Variants in SETD9 observed in about 807,000 individuals in gnomAD.
SETD9 encodes the protein SET domain containing 9, also known as SET domain-containing protein 9.
SETD9 carries 37 observed loss-of-function variants against 36.4 expected under a neutral mutation model. The observed-to-expected ratio is 1.02, with a 90% CI of 0.78 to 1.34. The LOEUF (loss-of-function observed/expected upper bound fraction) is 1.34. SETD9 is among the 40% of genes most tolerant of loss of function. The probability of loss-of-function intolerance (pLI) is 0.00; values close to 1 mark genes in which losing one functional copy is unlikely to be tolerated. For missense variants in SETD9, 323 were observed against 353.2 expected, an observed-to-expected ratio of 0.91 and a Z score of 0.69; for synonymous variants, 128 against 132.9, an observed-to-expected ratio of 0.96 and a Z score of 0.26.
chr5:56,912,213 A>G lies in SETD9; in HGVS notation c.466+677A>G, dbSNP rs147786875. ...AACATAAAAGACAACATTTAAACCCATAAGTCACCGAATGAAGACCTTCCT... is the reference window on the plus strand; with the variant it reads ...AACATAAAAGACAACATTTAAACCCGTAAGTCACCGAATGAAGACCTTCCT... On this transcript the variant is annotated intron_variant, in intron 2 of 5. Transcript: ENST00000285947. The G allele has an allele frequency of 2.4e-3, 2,342 of 985,270 alleles. 38 individuals carry two copies. In the African/African-American group the frequency reaches 0.038, roughly 16 times the overall value. The allele number at this position is 985,270 out of a possible 1,614,324, so 61.0% of individuals were successfully genotyped here. A position where few individuals can be genotyped will look rare whatever the true frequency, so the allele number is the denominator to read the frequency against.
chr5:56,912,163 G>GA (rs796567347), intron 2 of SETD9: 29,989 of 595,138 alleles, frequency 0.05, 3 homozygotes, highest in Non-Finnish European at 0.056. Flanking sequence ...TCAAAAAAAA[G>GA]AAAAAAAAAA....
At chr5:56,914,428 A>G (rs1206801614) in intron 4 of SETD9, among the ~76,000 whole-genome samples, 1 of 152,160 alleles carries the variant, frequency 6.6e-6, no homozygotes, top group African/African-American at 2.4e-5. Context: ...TACATTTAAC[A>G]TGGGCTTTGG....
In SETD9 at chr5:56,913,041, T is replaced by G; in HGVS notation, c.497T>G (p.Phe166Cys). The G allele has an allele frequency of 6.2e-7, 1 of 1,613,990 alleles. No homozygotes were observed. Among genetic ancestry groups the G allele is most frequent in the East Asian group, 2.2e-5 (1 of 44,864 alleles). Residue 166 changes from phenylalanine (F) to cysteine (C), a missense_variant, in exon 3 of 6, where the codon TTT becomes TGT. Phe to Cys is a radical substitution (Grantham distance 205). Coordinates refer to ENST00000285947, the MANE Select transcript of SETD9 (RefSeq NM_153706.4). ...GTVYQKYEPI[F>C]FQSIGNPFIF... ...GTATATCAGAAGTATGAGCCGATCTTTTTCCAGTCCATTGGAAATCCGTTT... is the reference window on the plus strand; with the variant it reads ...GTATATCAGAAGTATGAGCCGATCTGTTTCCAGTCCATTGGAAATCCGTTT...
At chr5:56,914,352 G>T (rs1749314506) in intron 4 of SETD9, among the ~76,000 whole-genome samples, 1 of 152,072 alleles carries the variant, frequency 6.6e-6, no homozygotes, top group Non-Finnish European at 1.5e-5. Context: ...TGCTAAGTTT[G>T]TGAGTCCCTA....
chr5:56,912,749 A>G (rs191982650), intron 2 of SETD9, among the ~76,000 whole-genome samples: 21 of 152,338 alleles, frequency 1.4e-4, no homozygotes, highest in Admixed American at 8.5e-4. Flanking sequence ...ACATATACAT[A>G]TAAATGTGTA....
At chr5:56,928,738 A>G, downstream of SETD9, 1 of 1,497,734 alleles carries the variant, frequency 6.7e-7, no homozygotes. Flanking sequence ...GTAACTAGTA[A>G]TTTATCTGTA....
intron 1 of SETD9, chr5:56,910,587 A>G (rs1421967917): frequency 8.9e-6 from 3 of 335,738 alleles, no homozygotes; most frequent in Non-Finnish European, 1.7e-5. Context: ...GGGAATTACA[A>G]CCTTTTTGTT....
chr5:56,909,777 T>A, intron 1 of SETD9, 34 bp downstream of exon 1: 1 of 1,580,986 alleles, frequency 6.3e-7, no homozygotes, highest in Non-Finnish European at 8.6e-7. Flanking sequence ...GAGGGGCACC[T>A]GCCTTCGGTT....
chr5:56,924,768 C>T (rs901970871), intron 5 of SETD9, among the ~76,000 whole-genome samples: 1 of 152,166 alleles, frequency 6.6e-6, no homozygotes, highest in Non-Finnish European at 1.5e-5. Flanking sequence ...GATGTATGAA[C>T]AAAATTCTTC....
chr5:56,911,629 T>G, intron 2 of SETD9, 93 bp downstream of exon 2: 2 of 1,311,134 alleles, frequency 1.5e-6, no homozygotes, highest in East Asian at 2.5e-5. Context: ...ATCCTTAGAG[T>G]AAGGGATTAA....
rs1186456054 is a variant in SETD9, at chr5:56,909,705, C to T, written c.60C>T (p.Phe20=). Residue 20 remains phenylalanine, a synonymous_variant, in exon 1 of 6, where the codon TTC becomes TTT. Transcript: ENST00000285947. Reference sequence around the variant, plus strand: ...GATGGCGCCGTTACAAGTACCGCTTCGTTCCCTGGATCGCACTGAACCTAA... The same window carrying T: ...GATGGCGCCGTTACAAGTACCGCTTTGTTCCCTGGATCGCACTGAACCTAA... ...WQRWRRYKYR[F]VPWIALNLSH... is the part of the protein sequence containing the mutation. 1.2e-6 allele frequency: 2 copies of T among 1,611,250 alleles called. No homozygotes were observed. Among genetic ancestry groups the T allele is most frequent in the Non-Finnish European group, 1.7e-6 (2 of 1,179,050 alleles).
At chr5:56,928,528 T>C (rs918973065), downstream of SETD9, 2 of 308,216 alleles carry the variant, frequency 6.5e-6, no homozygotes, top group Non-Finnish European at 1.2e-5. Context: ...TCCTAAAAAA[T>C]ACAGTGAGTC....
intron 5 of SETD9, among the ~76,000 whole-genome samples, chr5:56,916,195 C>T (rs890740720): frequency 6.6e-6 from 1 of 152,170 alleles, no homozygotes; most frequent in African/African-American, 2.4e-5. Flanking sequence ...AGTTTGAGAA[C>T]AGCCTGACCA....
downstream of SETD9, chr5:56,921,275 A>T (rs1283148898): frequency 2.6e-5 from 4 of 152,556 alleles, no homozygotes; most frequent in Non-Finnish European, 4.4e-5. Context: ...TAGAAAGTGT[A>T]CTGATTTTTA....
chr5:56,924,373 T>G (rs1381122545), intron 5 of SETD9, among the ~76,000 whole-genome samples: 1 of 152,218 alleles, frequency 6.6e-6, no homozygotes, highest in Non-Finnish European at 1.5e-5. Flanking sequence ...TTTACTGAGC[T>G]CTGTGATTTT....
intron 1 of SETD9, chr5:56,910,164 G>A (rs1177205268): frequency 2.5e-6 from 3 of 1,222,952 alleles, no homozygotes; most frequent in Non-Finnish European, 3.1e-6. Flanking sequence ...TTTTTAAAAA[G>A]ACTGCCCTTA....
intron 3 of SETD9, 71 bp from the exon 4 acceptor site, chr5:56,913,803 T>G: frequency 1.1e-6 from 1 of 924,728 alleles, no homozygotes; most frequent in Non-Finnish European, 1.7e-6. Context: ...CTGGTGTAAT[T>G]CTAGGGTTTT....
At chr5:56,922,199 C>T (rs1749703765), downstream of SETD9, 1 of 152,616 alleles carries the variant, frequency 6.6e-6, no homozygotes, top group Non-Finnish European at 1.5e-5. Flanking sequence ...CATTGAGTGG[C>T]AACATCCTAG....
At chr5:56,910,557 A>T (rs1321161309) in intron 1 of SETD9, 7 of 424,762 alleles carry the variant, frequency 1.6e-5, no homozygotes, top group Non-Finnish European at 2.9e-5. Context: ...CAGTTGTATC[A>T]TGACTCGGAA....
Sources: allele counts gnomAD v4.1 joint callset (sites outside exome capture counted in the v4.1 genomes callset), GRCh38; gene constraint gnomAD v4.1.1; transcripts MANE v1.5; gene names NCBI Gene and HGNC (gene_info 2026-07-23, HGNC 2026-07-21).